Variants in CDH4 observed in about 807,000 individuals in gnomAD.
The protein encoded by CDH4 is cadherin-4.
A neutral mutation model predicts 86.0 loss-of-function variants in CDH4; 33 were observed. The observed-to-expected ratio is 0.38, with a 90% CI of 0.29 to 0.51. CDH4 has a LOEUF of 0.51. Ranked by LOEUF, CDH4 falls within the 20% of genes least tolerant of loss-of-function variation. The pLI, the probability that CDH4 is intolerant of heterozygous loss-of-function variation, is 0.86. For missense variants in CDH4, 1,114 were observed against 1,307.4 expected (o/e 0.85, Z 2.28); for synonymous variants, 555 against 549.4 (o/e 1.01, Z -0.14).
chr20:61,383,101 A>ATATATATGAATATATATATTC (rs2084914205), intron 2 of CDH4, among the ~76,000 whole-genome samples: 1 of 115,236 alleles, frequency 8.7e-6, no homozygotes, highest in South Asian at 2.3e-4. Flanking sequence ...ATATATATGA[A>ATATATATGAATATATATATTC]TATATTATAT....
chr20:61,598,709 A>G (rs1027030502), intron 2 of CDH4, among the ~76,000 whole-genome samples: 6 of 152,088 alleles, frequency 3.9e-5, no homozygotes, highest in African/African-American at 1.4e-4. Context: ...GCCAGATCTC[A>G]TCGTGTTTCT....
chr20:61,806,406 C>G (rs1433602424), intron 4 of CDH4, among the ~76,000 whole-genome samples: 8 of 152,234 alleles, frequency 5.3e-5, no homozygotes, highest in Non-Finnish European at 1.0e-4. Context: ...ACCGTCCACT[C>G]GCCTGCAGGA....
chr20:61,880,271 G>T (rs1448413451), intron 7 of CDH4, among the ~76,000 whole-genome samples: 1 of 152,196 alleles, frequency 6.6e-6, no homozygotes, highest in African/African-American at 2.4e-5. Flanking sequence ...TCTGCCTGGG[G>T]AGGGCAGTAG....
At chr20:61,300,276 G>T (rs1363933452) in intron 2 of CDH4, among the ~76,000 whole-genome samples, 1 of 152,098 alleles carries the variant, frequency 6.6e-6, no homozygotes, top group Non-Finnish European at 1.5e-5. Flanking sequence ...GGGATATTAA[G>T]GGAACACTTG....
intron 2 of CDH4, among the ~76,000 whole-genome samples, chr20:61,630,426 G>A (rs1209919082): frequency 6.6e-6 from 1 of 152,178 alleles, no homozygotes; most frequent in African/African-American, 2.4e-5. Context: ...GCTTGGCTCA[G>A]GGCTTGTGGT....
At chr20:61,828,977 A>T (rs1981456792) in intron 4 of CDH4, among the ~76,000 whole-genome samples, 1 of 152,188 alleles carries the variant, frequency 6.6e-6, no homozygotes, top group Non-Finnish European at 1.5e-5. Context: ...CCACATGCGC[A>T]GGTCACAACA....
At position 61,663,858 on chromosome 20, in the gene CDH4, C is replaced by T. The variant is rs2087290738; in HGVS notation, c.170-79705C>T. Among the ~76,000 whole-genome samples the T allele has an allele frequency of 6.6e-6, 1 of 152,202 alleles. No individual in the cohort carries two copies. Among genetic ancestry groups the T allele is most frequent in the Non-Finnish European group, 1.5e-5 (1 of 68,036 alleles). ...CCCACGCTGGGTCTTCCAGCTCCCTCGAGGCCGCCCTGGCCCTCCACACTC... is the reference window on the plus strand; with the variant it reads ...CCCACGCTGGGTCTTCCAGCTCCCTTGAGGCCGCCCTGGCCCTCCACACTC... On this transcript the variant is annotated intron_variant, in intron 2 of 15. Coordinates refer to ENST00000614565, the MANE Select transcript of CDH4 (RefSeq NM_001794.5). The surrounding 1 kb of genome is among the most constrained non-coding windows in gnomAD (Gnocchi z 5.0).
chr20:61,895,266 G>A (rs1040892295), intron 8 of CDH4, among the ~76,000 whole-genome samples: 2 of 152,248 alleles, frequency 1.3e-5, no homozygotes, highest in Non-Finnish European at 2.9e-5. Context: ...GGAGGGGACC[G>A]GCGGCGGAGG....
chr20:61,849,959 ATCCTGT>A (rs1982638372), intron 5 of CDH4, among the ~76,000 whole-genome samples: 1 of 152,108 alleles, frequency 6.6e-6, no homozygotes, highest in Non-Finnish European at 1.5e-5. Flanking sequence ...GTGTCTTTAG[ATCCTGT>A]TCCATTTTCC....
chr20:61,427,864 A>G (rs2085223454), intron 2 of CDH4, among the ~76,000 whole-genome samples: 1 of 152,040 alleles, frequency 6.6e-6, no homozygotes, highest in Non-Finnish European at 1.5e-5. Context: ...AGTCACCGAG[A>G]ATCAAATGCT....
At chr20:61,723,382 G>C (rs1352429163) in intron 2 of CDH4, among the ~76,000 whole-genome samples, 1 of 152,210 alleles carries the variant, frequency 6.6e-6, no homozygotes. Flanking sequence ...CATGGGGCAA[G>C]CAGTGCAGCT....
chr20:61,410,750 C>A (rs1028306570), intron 2 of CDH4, among the ~76,000 whole-genome samples: 32 of 152,174 alleles, frequency 2.1e-4, no homozygotes, highest in African/African-American at 7.2e-4. Flanking sequence ...TCTCACTGGT[C>A]CATCTATCCA....
intron 2 of CDH4, among the ~76,000 whole-genome samples, chr20:61,460,746 G>A (rs2085437444): frequency 6.6e-6 from 1 of 152,228 alleles, no homozygotes; most frequent in South Asian, 2.1e-4. Context: ...GTGGGAAAGG[G>A]AGCCGTGTGT....
intron 6 of CDH4, among the ~76,000 whole-genome samples, chr20:61,864,755 A>G (rs900990364): frequency 6.6e-6 from 1 of 152,136 alleles, no homozygotes; most frequent in African/African-American, 2.4e-5. Flanking sequence ...AAACCCGATT[A>G]TCTCCACCCA....
Position 61,676,904 on chromosome 20 carries a change from A to T in CDH4, c.170-66659A>T, listed in dbSNP as rs570273706. Among the ~76,000 whole-genome samples, 90 of 152,038 alleles carry T rather than the reference A, an allele frequency of 5.9e-4. 1 individual carries two copies. Among genetic ancestry groups the T allele is most frequent in the Admixed American group, 1.9e-3 (29 of 15,266 alleles). On this transcript the variant is annotated intron_variant, in intron 2 of 15. Coordinates refer to ENST00000614565, the MANE Select transcript of CDH4 (RefSeq NM_001794.5). This position sits in a 1 kb window ranked among gnomAD's most constrained non-coding sequence, Gnocchi z 4.5. Reference sequence around the variant, plus strand: ...CTGACTGGGTGGCCTCTGCTGGAGGACCTGATGGGGTGAGGTGGTGGGCCA... The same window carrying T: ...CTGACTGGGTGGCCTCTGCTGGAGGTCCTGATGGGGTGAGGTGGTGGGCCA...
In CDH4 at chr20:61,879,755, C is replaced by T. The variant is rs567751111; in HGVS notation, c.1050+5855C>T. Reference sequence around the variant, plus strand: ...TGAAGGTGAGAGTGGGCTCTGCAGACGCAGGCGCTGTTCCGATTGTTGGGC... The same window carrying T: ...TGAAGGTGAGAGTGGGCTCTGCAGATGCAGGCGCTGTTCCGATTGTTGGGC... On this transcript the variant is annotated intron_variant, in intron 7 of 15. Coordinates refer to ENST00000614565, the MANE Select transcript of CDH4 (RefSeq NM_001794.5). This position sits in a 1 kb window ranked among gnomAD's most constrained non-coding sequence, Gnocchi z 4.1. Among the ~76,000 whole-genome samples, 12 of 152,254 alleles carry T rather than the reference C, an allele frequency of 7.9e-5. No individual in the cohort carries two copies. The highest frequency in any genetic ancestry group is 3.9e-4 in the East Asian group (2 of 5,162).
chr20:61,397,060 C>G (rs969258475), intron 2 of CDH4, among the ~76,000 whole-genome samples: 4 of 152,248 alleles, frequency 2.6e-5, no homozygotes, highest in Admixed American at 1.3e-4. Flanking sequence ...TACAGGTGCG[C>G]CACCACACCC....
intron 2 of CDH4, among the ~76,000 whole-genome samples, chr20:61,259,670 C>T (rs777982623): frequency 1.2e-4 from 18 of 152,162 alleles, no homozygotes; most frequent in Non-Finnish European, 2.4e-4. Context: ...TATTGATTCT[C>T]TCTCTCTCTC....
chr20:61,471,738 A>G (rs1317436474), intron 2 of CDH4, among the ~76,000 whole-genome samples: 3 of 151,912 alleles, frequency 2.0e-5, no homozygotes, highest in African/African-American at 7.3e-5. Context: ...AAATTTTTCA[A>G]TTTCCTTCTT....
Sources: gnomAD v4.1 joint callset for allele counts (sites outside exome capture counted in the v4.1 genomes callset) on GRCh38, gnomAD v4.1.1 for gene constraint, Gnocchi (gnomAD v3.1) non-coding constraint, MANE v1.5 for transcripts, NCBI Gene and HGNC (gene_info 2026-07-23, HGNC 2026-07-21) for gene names.